Variants in RBFOX3 observed in about 807,000 individuals in gnomAD.
The protein encoded by RBFOX3 is RNA binding fox-1 homolog 3, also known as RNA binding protein fox-1 homolog 3.
A neutral mutation model predicts 48.7 loss-of-function variants in RBFOX3; 17 were observed. The observed-to-expected ratio is 0.35, with a 90% CI of 0.24 to 0.52. The LOEUF (loss-of-function observed/expected upper bound fraction) is 0.52. Ranked by LOEUF, RBFOX3 falls within the 20% of genes least tolerant of loss-of-function variation. The pLI, the probability that RBFOX3 is intolerant of heterozygous loss-of-function variation, is 0.94. For missense variants in RBFOX3, 382 were observed against 497.5 expected, an observed-to-expected ratio of 0.77 and a Z score of 2.21; for synonymous variants, 212 against 209.5, an observed-to-expected ratio of 1.01 and a Z score of -0.10.
chr17:79,325,254 A>G (rs991984321), intron 2 of RBFOX3, among the ~76,000 whole-genome samples: 1 of 152,132 alleles, frequency 6.6e-6, no homozygotes, highest in Non-Finnish European at 1.5e-5. Context: ...TCATCCCTGG[A>G]GATTCCACAG....
At chr17:79,255,922 G>A (rs34647700) in intron 3 of RBFOX3, among the ~76,000 whole-genome samples, 31,227 of 150,708 alleles carry the variant, frequency 0.21, 4,048 homozygotes, top group Non-Finnish European at 0.29. Context: ...TCCTGGACCC[G>A]CTGCCTGCCG....
At chr17:79,297,648 G>A (rs1409819355) in intron 3 of RBFOX3, among the ~76,000 whole-genome samples, 1 of 152,264 alleles carries the variant, frequency 6.6e-6, no homozygotes, top group African/African-American at 2.4e-5. Context: ...TTCCCAGGGA[G>A]ATGGGGGTCA....
At chr17:79,574,138 T>G (rs2092779435) in intron 1 of RBFOX3, among the ~76,000 whole-genome samples, 1 of 152,150 alleles carries the variant, frequency 6.6e-6, no homozygotes, top group East Asian at 1.9e-4. Flanking sequence ...AGGTGGATCT[T>G]CATCCCTCTC....
At chr17:79,507,465 G>A (rs1022012053) in intron 1 of RBFOX3, among the ~76,000 whole-genome samples, 151 of 152,254 alleles carry the variant, frequency 9.9e-4, no homozygotes, top group African/African-American at 3.5e-3. Flanking sequence ...AGGTGCCCGC[G>A]GGATGCTGGG....
chr17:79,576,492 G>T (rs2092864358), intron 1 of RBFOX3, among the ~76,000 whole-genome samples: 1 of 151,986 alleles, frequency 6.6e-6, no homozygotes, highest in Non-Finnish European at 1.5e-5. Flanking sequence ...GGAGAAGATG[G>T]AGATGATGGA....
intron 4 of RBFOX3, among the ~76,000 whole-genome samples, chr17:79,149,814 T>C (rs1479377970): frequency 6.6e-6 from 1 of 151,106 alleles, no homozygotes; most frequent in Admixed American, 6.6e-5. Flanking sequence ...GAGCTTCCAC[T>C]GAGCATCTCT....
intron 2 of RBFOX3, among the ~76,000 whole-genome samples, chr17:79,404,393 C>T (rs533396975): frequency 7.0e-4 from 107 of 152,334 alleles, no homozygotes; most frequent in African/African-American, 2.5e-3. Flanking sequence ...GACCAGAGCA[C>T]GTGTCAAGGA....
At chr17:79,122,229 C>T (rs1307548164) in intron 4 of RBFOX3, among the ~76,000 whole-genome samples, 1 of 152,178 alleles carries the variant, frequency 6.6e-6, no homozygotes, top group Non-Finnish European at 1.5e-5. Context: ...GTCGGGCCGC[C>T]ATCATCTCCT....
At chr17:79,576,239 C>T (rs1481376150) in intron 1 of RBFOX3, among the ~76,000 whole-genome samples, 5 of 152,196 alleles carry the variant, frequency 3.3e-5, no homozygotes, top group African/African-American at 1.2e-4. Context: ...TTGCCAACAC[C>T]TGTAATCATG....
intron 2 of RBFOX3, among the ~76,000 whole-genome samples, chr17:79,417,133 G>A (rs970767898): frequency 2.0e-5 from 3 of 152,226 alleles, no homozygotes; most frequent in Non-Finnish European, 2.9e-5. Context: ...AGGATGGCAG[G>A]AAAGGGGAGA....
chr17:79,291,318 C>T (rs913158399), intron 3 of RBFOX3, among the ~76,000 whole-genome samples: 24 of 152,290 alleles, frequency 1.6e-4, no homozygotes, highest in African/African-American at 4.8e-4. Context: ...GCTCGCTCTG[C>T]GGTGCCACAT....
chr17:79,544,471 C>A (rs200166257), intron 1 of RBFOX3, among the ~76,000 whole-genome samples: 1 of 152,040 alleles, frequency 6.6e-6, no homozygotes, highest in African/African-American at 2.4e-5. Flanking sequence ...GACAGAGAAG[C>A]ACAGAATGAA....
At chr17:79,283,265 CTTTT>C (rs11307023) in intron 3 of RBFOX3, among the ~76,000 whole-genome samples, 55,518 of 114,998 alleles carry the variant, frequency 0.48, 11,737 homozygotes, top group East Asian at 0.56. Flanking sequence ...TGTTCCTTTT[CTTTT>C]TTTTTTTTTT....
Position 79,401,397 on chromosome 17 carries a change from C to G in RBFOX3, c.-175+81057G>C, listed in dbSNP as rs144371615. Among the ~76,000 whole-genome samples, 17 of 152,310 alleles carry G rather than the reference C, an allele frequency of 1.1e-4. No individual in the cohort carries two copies. The East Asian group carries it at 2.9e-3, about 26-fold the overall frequency. On this transcript the variant is annotated intron_variant, in intron 2 of 14. Transcript: ENST00000693108. ...AAAATAAGAAGAGCCAGTGAGCCCC[C>G]CAAAACGACTCCTTCATGATCCAGG...
At chr17:79,397,197 C>T (rs994204697) in intron 2 of RBFOX3, among the ~76,000 whole-genome samples, 5 of 152,096 alleles carry the variant, frequency 3.3e-5, no homozygotes, top group East Asian at 1.9e-4. Flanking sequence ...TTTTAAGAAG[C>T]GTGGGCTGGG....
chr17:79,559,638 G>T (rs2092049874), intron 1 of RBFOX3, among the ~76,000 whole-genome samples: 1 of 141,370 alleles, frequency 7.1e-6, no homozygotes, highest in Admixed American at 7.0e-5. Flanking sequence ...GGTGGATGGT[G>T]AATAGTGGAT....
intron 2 of RBFOX3, among the ~76,000 whole-genome samples, chr17:79,399,447 G>A (rs551697190): frequency 3.3e-5 from 5 of 152,222 alleles, no homozygotes; most frequent in Non-Finnish European, 5.9e-5. Flanking sequence ...TTTTCCTGGC[G>A]TGACTGCAGG....
At chr17:79,397,498 A>ACCCCC (rs1031316895) in intron 2 of RBFOX3, among the ~76,000 whole-genome samples, 70 of 150,438 alleles carry the variant, frequency 4.7e-4, no homozygotes, top group Non-Finnish European at 8.6e-4. Flanking sequence ...ATCCCCAAAA[A>ACCCCC]AAAAAAAAAA....
intron 4 of RBFOX3, among the ~76,000 whole-genome samples, chr17:79,211,927 C>T (rs888394486): frequency 1.8e-4 from 27 of 152,244 alleles, no homozygotes; most frequent in South Asian, 8.3e-4. Context: ...CACGGGGATA[C>T]GTGGGGGGGA....
Sources: gnomAD v4.1 joint callset for allele counts (sites outside exome capture counted in the v4.1 genomes callset) on GRCh38, gnomAD v4.1.1 for gene constraint, MANE v1.5 for transcripts, NCBI Gene and HGNC (gene_info 2026-07-23, HGNC 2026-07-21) for gene names.